Variants in HDAC9 observed in about 807,000 individuals in gnomAD.
HDAC9 encodes the protein histone deacetylase 9, also known as MEF-2 interacting transcription repressor (MITR) protein.
A neutral mutation model predicts 139.4 loss-of-function variants in HDAC9; 41 were observed. The observed-to-expected ratio is 0.29, with a 90% CI of 0.23 to 0.38. The LOEUF (loss-of-function observed/expected upper bound fraction) is 0.38, where lower values mean the gene tolerates loss of function less well. Among genes scored for constraint, HDAC9 ranks in the 10% least tolerant of loss-of-function variants. The probability of loss-of-function intolerance (pLI) is 1.00; values close to 1 mark genes in which losing one functional copy is unlikely to be tolerated. For synonymous variants in HDAC9, 517 were observed against 476.2 expected, an observed-to-expected ratio of 1.09 and a Z score of -1.12; for missense variants, 1,147 against 1,297.0, an observed-to-expected ratio of 0.88 and a Z score of 1.78.
intron 2 of HDAC9, among the ~76,000 whole-genome samples, chr7:18,169,305 T>C (rs1181627944): frequency 6.6e-6 from 1 of 152,172 alleles, no homozygotes. Context: ...TGCATTTTAA[T>C]TGTCTCCTTA....
At position 18,266,823 on chromosome 7, in the gene HDAC9, A is replaced by G. The variant is rs557633402; in HGVS notation, c.25+104474A>G. On this transcript the variant is annotated intron_variant, in intron 2 of 12. Coordinates refer to the HDAC9 transcript ENST00000417496. ...AAACATATAACATCTTAGTCTTCTT[A>G]TGAAAGTCATTTTGATGCCCAAGAG... Among the ~76,000 whole-genome samples the G allele has an allele frequency of 2.0e-5, 3 of 152,272 alleles. No homozygotes were observed. The South Asian group carries it at 6.2e-4, about 32-fold the overall frequency.
At chr7:18,436,732 T>G (rs1376462165) in intron 1 of HDAC9, among the ~76,000 whole-genome samples, 2 of 152,232 alleles carry the variant, frequency 1.3e-5, no homozygotes, top group African/African-American at 4.8e-5. Context: ...CAATTTATAG[T>G]TAAATCATCT....
rs529130517 is a variant in HDAC9 at position 18,951,744 on chromosome 7, AT to A, written c.2938-2401del. On this transcript the variant is annotated intron_variant, in intron 23 of 25. Transcript: ENST00000686413. ...ATTTTCTGCTCCAAATTTATAAAAAATGAATATTTAATATTATTTTATTAGT... is the reference window on the plus strand; with the variant it reads ...ATTTTCTGCTCCAAATTTATAAAAAAGAATATTTAATATTATTTTATTAGT... 9.7e-3 allele frequency among the ~76,000 whole-genome samples: 1,481 copies of A among 151,902 alleles called. 18 individuals are homozygous for A. Among genetic ancestry groups the A allele is most frequent in the South Asian group, 0.016 (75 of 4,826 alleles).
intron 11 of HDAC9, among the ~76,000 whole-genome samples, chr7:18,662,803 A>C (rs1211253731): frequency 6.6e-6 from 1 of 152,128 alleles, no homozygotes; most frequent in African/African-American, 2.4e-5. Context: ...AAAGTGGAAT[A>C]GGGTTGCTAG....
At chr7:18,913,109 A>G (rs1249775004) in intron 22 of HDAC9, among the ~76,000 whole-genome samples, 1 of 152,092 alleles carries the variant, frequency 6.6e-6, no homozygotes, top group Non-Finnish European at 1.5e-5. Flanking sequence ...TTTGAGTACT[A>G]GAACAAAGGC....
chr7:18,859,393 G>A (rs1256146551), intron 21 of HDAC9, among the ~76,000 whole-genome samples: 1 of 151,966 alleles, frequency 6.6e-6, no homozygotes, highest in African/African-American at 2.4e-5. Flanking sequence ...TCTCCTGATT[G>A]AGAAGACAGC....
At chr7:18,437,596 T>C (rs1039290719) in intron 1 of HDAC9, among the ~76,000 whole-genome samples, 14 of 150,130 alleles carry the variant, frequency 9.3e-5, no homozygotes, top group African/African-American at 3.4e-4. Context: ...ATATAAACTT[T>C]ATATAAAGTA....
intron 1 of HDAC9, among the ~76,000 whole-genome samples, chr7:18,329,937 A>G (rs1450700102): frequency 6.6e-6 from 1 of 151,150 alleles, no homozygotes; most frequent in Non-Finnish European, 1.5e-5. Context: ...TTTACTTCTA[A>G]GGTACTTTGG....
intron 2 of HDAC9, among the ~76,000 whole-genome samples, chr7:18,188,405 A>G (rs1790076580): frequency 6.6e-6 from 1 of 152,198 alleles, no homozygotes; most frequent in South Asian, 2.1e-4. Flanking sequence ...CCTAGAAGAA[A>G]ACCTAGGCAG....
At chr7:18,964,373 A>G (rs1429327562) in intron 24 of HDAC9, among the ~76,000 whole-genome samples, 2 of 151,862 alleles carry the variant, frequency 1.3e-5, no homozygotes, top group African/African-American at 2.4e-5. Context: ...TTTTTTTTTA[A>G]TTTCATAGAA....
At chr7:18,477,682 A>T (rs1228153553) in intron 1 of HDAC9, among the ~76,000 whole-genome samples, 1 of 152,186 alleles carries the variant, frequency 6.6e-6, no homozygotes, top group Admixed American at 6.5e-5. Flanking sequence ...CAAATTACAT[A>T]AGAGTTCCAG....
chr7:18,179,964 A>G (rs749704690), intron 2 of HDAC9, among the ~76,000 whole-genome samples: 7 of 152,182 alleles, frequency 4.6e-5, no homozygotes, highest in Non-Finnish European at 7.3e-5. Context: ...TCTCATGTCT[A>G]TAAGCCTCTC....
intron 2 of HDAC9, among the ~76,000 whole-genome samples, chr7:18,497,032 T>C (rs1797119987): frequency 6.6e-6 from 1 of 152,106 alleles, no homozygotes; most frequent in Non-Finnish European, 1.5e-5. Context: ...GATTCTAATT[T>C]CTAGTTTCTC....
At chr7:18,522,567 G>GA (rs879624035) in intron 2 of HDAC9, among the ~76,000 whole-genome samples, 75 of 99,400 alleles carry the variant, frequency 7.5e-4, no homozygotes, top group Middle Eastern at 6.5e-3. Flanking sequence ...TGTTAATACT[G>GA]AAAAAAAAAA....
chr7:18,175,317 C>T (rs754292261), intron 2 of HDAC9, among the ~76,000 whole-genome samples: 20 of 152,308 alleles, frequency 1.3e-4, no homozygotes, highest in African/African-American at 3.1e-4. Flanking sequence ...ATTGGAAAAA[C>T]GCAGTATTTG....
In HDAC9 at chr7:18,975,877, G is replaced by A. The variant is rs759069043; in HGVS notation, c.3094G>A (p.Glu1032Lys). 1 of 1,613,908 alleles carries A rather than the reference G, an allele frequency of 6.2e-7. No individual in the cohort carries two copies. The highest frequency in any genetic ancestry group is 8.5e-7 in the Non-Finnish European group (1 of 1,179,850). ...GCALAGAQLQEETETVSALAS... is the reference protein window; with the variant it reads ...GCALAGAQLQKETETVSALAS... Reference sequence around the variant, plus strand: ...TGCTCTGGCTGGTGCTCAGTTGCAAGAGGAGACAGAGACCGTTTCTGCCCT... The same window carrying A: ...TGCTCTGGCTGGTGCTCAGTTGCAAAAGGAGACAGAGACCGTTTCTGCCCT... The change falls in exon 25 of 26, where the codon GAG (glutamate) becomes AAG (lysine). Residue 1032 changes from glutamate to lysine, a missense_variant. This residue lies in a region of HDAC9 where 407 missense variants were observed against 521.5 expected (regional missense o/e 0.78). Transcript: ENST00000686413.
chr7:18,615,672 A>G (rs1458603157), intron 6 of HDAC9, among the ~76,000 whole-genome samples: 1 of 152,208 alleles, frequency 6.6e-6, no homozygotes, highest in Non-Finnish European at 1.5e-5. Flanking sequence ...ATATATCATT[A>G]ATACTACTCT....
intron 16 of HDAC9, among the ~76,000 whole-genome samples, chr7:18,786,281 A>C (rs1293131093): frequency 6.6e-6 from 1 of 152,160 alleles, no homozygotes; most frequent in African/African-American, 2.4e-5. Context: ...GCTAAGTTTT[A>C]ATAAATAGAT....
chr7:18,397,567 G>A (rs1005255340), intron 1 of HDAC9, among the ~76,000 whole-genome samples: 1 of 152,070 alleles, frequency 6.6e-6, no homozygotes, highest in African/African-American at 2.4e-5. Flanking sequence ...CAGTGTTAGT[G>A]GGTGTCTTTG....
Sources: allele counts gnomAD v4.1 joint callset (sites outside exome capture counted in the v4.1 genomes callset), GRCh38; gene constraint gnomAD v4.1.1; regional missense constraint gnomAD v4.1.1; transcripts MANE v1.5; gene names NCBI Gene and HGNC (gene_info 2026-07-23, HGNC 2026-07-21).